Variants in GRIA1 observed in about 807,000 individuals in gnomAD.
GRIA1 encodes the protein glutamate ionotropic receptor AMPA type subunit 1, also known as glutamate receptor 1.
A neutral mutation model predicts 99.2 loss-of-function variants in GRIA1; 31 were observed. The observed-to-expected ratio is 0.31, with a 90% CI of 0.23 to 0.42. The LOEUF is 0.42. Among genes scored for constraint, GRIA1 ranks in the 10% least tolerant of loss-of-function variants. The pLI is 1.00. For synonymous variants in GRIA1, 438 were observed against 432.4 expected, an observed-to-expected ratio of 1.01 and a Z score of -0.16; for missense variants, 782 against 1,157.5, an observed-to-expected ratio of 0.68 and a Z score of 4.71.
chr5:153,531,638 G>T (rs1311181534), intron 2 of GRIA1, among the ~76,000 whole-genome samples: 1 of 152,186 alleles, frequency 6.6e-6, no homozygotes, highest in Non-Finnish European at 1.5e-5. Flanking sequence ...TAAGCTCCCT[G>T]TTACTAGAGG....
At chr5:153,584,789 G>A (rs777338912) in intron 2 of GRIA1, among the ~76,000 whole-genome samples, 2 of 152,138 alleles carry the variant, frequency 1.3e-5, no homozygotes, top group African/African-American at 4.8e-5. Flanking sequence ...TTTTATGTTT[G>A]TTTGAGAATA....
chr5:153,510,032 C>A (rs1203368542), intron 2 of GRIA1, among the ~76,000 whole-genome samples: 1 of 152,128 alleles, frequency 6.6e-6, no homozygotes, highest in African/African-American at 2.4e-5. Flanking sequence ...AACAACAAAA[C>A]CCCAAAATAG....
At chr5:153,599,720 G>A (rs1356148907) in intron 2 of GRIA1, among the ~76,000 whole-genome samples, 1 of 152,068 alleles carries the variant, frequency 6.6e-6, no homozygotes. Flanking sequence ...ATTTGAGAGT[G>A]GTGCAAGCCC....
At chr5:153,596,507 A>G (rs1764443823) in intron 2 of GRIA1, among the ~76,000 whole-genome samples, 1 of 152,140 alleles carries the variant, frequency 6.6e-6, no homozygotes, top group African/African-American at 2.4e-5. Context: ...CATTTTGCAG[A>G]TGGGGAAATG....
intron 8 of GRIA1, among the ~76,000 whole-genome samples, chr5:153,695,699 G>C (rs1409855408): frequency 6.6e-6 from 1 of 152,194 alleles, no homozygotes; most frequent in African/African-American, 2.4e-5. Context: ...TCTGTCATTA[G>C]AAAGCAATGT....
At chr5:153,548,777 A>G (rs1389511491) in intron 2 of GRIA1, among the ~76,000 whole-genome samples, 1 of 152,186 alleles carries the variant, frequency 6.6e-6, no homozygotes, top group Non-Finnish European at 1.5e-5. Context: ...TTATGTTGCT[A>G]TATGTCCCTT....
At chr5:153,587,391 A>C (rs563394951) in intron 2 of GRIA1, among the ~76,000 whole-genome samples, 1 of 152,336 alleles carries the variant, frequency 6.6e-6, no homozygotes, top group East Asian at 1.9e-4. Flanking sequence ...TGCCTGCAGA[A>C]CTGTGAGCCA....
intron 12 of GRIA1, among the ~76,000 whole-genome samples, chr5:153,769,328 G>A (rs1227874611): frequency 1.3e-5 from 2 of 152,132 alleles, no homozygotes; most frequent in African/African-American, 4.8e-5. Flanking sequence ...TAGGGAATAT[G>A]CATTTTTACA....
At chr5:153,728,679 A>G (rs1341944273) in intron 11 of GRIA1, among the ~76,000 whole-genome samples, 4 of 98,382 alleles carry the variant, frequency 4.1e-5, no homozygotes, top group Non-Finnish European at 5.9e-5. Context: ...CAAAACCACA[A>G]TGAGATACCA....
chr5:153,603,854 C>G lies in GRIA1; in HGVS notation c.221-43074C>G, dbSNP rs143912376. Among the ~76,000 whole-genome samples the G allele has an allele frequency of 2.3e-3, 346 of 152,180 alleles. 4 individuals are homozygous for G. Among genetic ancestry groups the G allele is most frequent in the African/African-American group, 8.2e-3 (341 of 41,504 alleles). ...TCTGTGTGACAGGTCCAATAATTCC[C>G]CATACCACAGGGATGTTGTGATGAT... On this transcript the variant is annotated intron_variant, in intron 2 of 15. Coordinates refer to ENST00000285900, the MANE Select transcript of GRIA1 (RefSeq NM_000827.4).
intron 10 of GRIA1, among the ~76,000 whole-genome samples, chr5:153,705,001 G>A (rs1460269941): frequency 6.6e-6 from 1 of 152,148 alleles, no homozygotes; most frequent in African/African-American, 2.4e-5. Flanking sequence ...CCTTTACTCA[G>A]GACTATCTTG....
At chr5:153,672,117 G>A (rs183949653) in intron 5 of GRIA1, among the ~76,000 whole-genome samples, 2 of 152,304 alleles carry the variant, frequency 1.3e-5, no homozygotes, top group East Asian at 3.9e-4. Context: ...TGCCTACACT[G>A]CAGGCTACTG....
rs1756627139 is a variant in GRIA1, at chr5:153,676,888, T to C, written c.862-106T>C. On this transcript the variant is annotated intron_variant, in intron 6 of 15. Transcript: ENST00000285900. The stretch of plus-strand genomic sequence containing the variant: ...CACGTATACCATGCATCTGGCCCAC[T>C]GCACACCCTTCTCATCACCAGAAAA... The C allele has an allele frequency of 3.4e-6, 3 of 890,478 alleles. No homozygotes were observed. The South Asian group carries it at 1.1e-4, about 31-fold the overall frequency. 55.2% of individuals were successfully genotyped at this position (890,478 alleles called of 1,614,324 possible).
At chr5:153,590,527 T>C (rs1175367024) in intron 2 of GRIA1, among the ~76,000 whole-genome samples, 1 of 132,074 alleles carries the variant, frequency 7.6e-6, no homozygotes, top group East Asian at 2.0e-4. Context: ...TGTGTGTGTG[T>C]GTGTGTGTGT....
chr5:153,691,362 T>C (rs540627209), intron 8 of GRIA1, among the ~76,000 whole-genome samples: 7 of 152,346 alleles, frequency 4.6e-5, no homozygotes, highest in African/African-American at 1.7e-4. Flanking sequence ...ATCGAAGAAC[T>C]GGTATTGTTG....
intron 2 of GRIA1, among the ~76,000 whole-genome samples, chr5:153,619,234 T>C (rs1216970793): frequency 6.6e-6 from 1 of 152,222 alleles, no homozygotes; most frequent in Non-Finnish European, 1.5e-5. Context: ...GATGGGGCCA[T>C]GTCTCCTATG....
intron 2 of GRIA1, among the ~76,000 whole-genome samples, chr5:153,646,377 A>C (rs1754148264): frequency 6.6e-6 from 1 of 152,206 alleles, no homozygotes; most frequent in African/African-American, 2.4e-5. Context: ...GCACCTTTTT[A>C]TGCTTTGCCT....
chr5:153,779,333 AC>A (rs955130088), intron 13 of GRIA1, among the ~76,000 whole-genome samples: 4 of 152,126 alleles, frequency 2.6e-5, no homozygotes, highest in Non-Finnish European at 5.9e-5. Context: ...TCCACAGCCC[AC>A]CTTTGTGCTA....
At chr5:153,615,968 C>G (rs557885920) in intron 2 of GRIA1, among the ~76,000 whole-genome samples, 1 of 152,254 alleles carries the variant, frequency 6.6e-6, no homozygotes, top group Non-Finnish European at 1.5e-5. Flanking sequence ...GTGAGGCATA[C>G]TAGAACTACA....
Sources: gnomAD v4.1 joint callset for allele counts (sites outside exome capture counted in the v4.1 genomes callset) on GRCh38, gnomAD v4.1.1 for gene constraint, MANE v1.5 for transcripts, NCBI Gene and HGNC (gene_info 2026-07-23, HGNC 2026-07-21) for gene names.